Variants in FAT3 observed in about 807,000 individuals in gnomAD.
FAT3 encodes FAT atypical cadherin 3.
Under a neutral mutation model 310.2 loss-of-function variants are expected in FAT3, and 95 were observed. The ratio of observed to expected loss-of-function variants is 0.31; its 90% CI spans 0.26 to 0.36. The LOEUF is 0.36. Among genes scored for constraint, FAT3 ranks in the 10% least tolerant of loss-of-function variants. The pLI is 1.00. For synonymous variants in FAT3, 2,314 were observed against 2,192.9 expected, an observed-to-expected ratio of 1.06 and a Z score of -1.54; for missense variants, 5,408 against 5,715.6, an observed-to-expected ratio of 0.95 and a Z score of 1.74.
chr11:92,756,314 A>G (rs972580763), intron 4 of FAT3, among the ~76,000 whole-genome samples: 9 of 152,234 alleles, frequency 5.9e-5, no homozygotes, highest in Admixed American at 2.0e-4. Context: ...TAGAAGAGTT[A>G]TAACAATATA....
At chr11:92,536,082 T>G (rs1483562899) in intron 3 of FAT3, among the ~76,000 whole-genome samples, 1 of 152,204 alleles carries the variant, frequency 6.6e-6, no homozygotes, top group East Asian at 1.9e-4. Flanking sequence ...TATTCTGATC[T>G]TGTCCTTTTT....
chr11:92,360,340 A>G (rs549776521), intron 2 of FAT3, among the ~76,000 whole-genome samples: 1 of 152,384 alleles, frequency 6.6e-6, no homozygotes, highest in African/African-American at 2.4e-5. Context: ...ATGCACAAGC[A>G]TTTAATATAT....
chr11:92,469,219 C>T (rs1433042666), intron 2 of FAT3, among the ~76,000 whole-genome samples: 1 of 152,072 alleles, frequency 6.6e-6, no homozygotes, highest in Non-Finnish European at 1.5e-5. Context: ...TAAATTAGCC[C>T]TGTTTAATGT....
At chr11:92,444,453 G>A (rs949620223) in intron 2 of FAT3, among the ~76,000 whole-genome samples, 3 of 152,094 alleles carry the variant, frequency 2.0e-5, no homozygotes, top group Admixed American at 1.3e-4. Flanking sequence ...TACATTATGA[G>A]CCTATTGATA....
intron 3 of FAT3, among the ~76,000 whole-genome samples, chr11:92,554,177 A>G (rs1335319770): frequency 6.6e-6 from 1 of 151,750 alleles, no homozygotes; most frequent in Non-Finnish European, 1.5e-5. Flanking sequence ...AAATGAATGG[A>G]GGAGGCCGGG....
intron 1 of FAT3, among the ~76,000 whole-genome samples, chr11:92,290,782 G>A (rs1841034): frequency 0.7 from 106,033 of 151,404 alleles, 37,327 homozygotes; most frequent in African/African-American, 0.77. Context: ...AATAATAAAT[G>A]AATAAAAATA....
intron 3 of FAT3, among the ~76,000 whole-genome samples, chr11:92,615,256 A>T (rs1428644467): frequency 1.3e-5 from 2 of 151,872 alleles, no homozygotes; most frequent in Non-Finnish European, 2.9e-5. Context: ...TATTTACTTA[A>T]TTTTTTTGAG....
chr11:92,373,238 C>G (rs1033077273), intron 2 of FAT3, among the ~76,000 whole-genome samples: 2 of 152,166 alleles, frequency 1.3e-5, no homozygotes, highest in Admixed American at 1.3e-4. Context: ...GCTAGATACT[C>G]TGTAAGTTGT....
In FAT3 at chr11:92,612,819, A is replaced by G. The variant is rs1288530575; in HGVS notation, c.3608-84565A>G. 5.3e-5 allele frequency among the ~76,000 whole-genome samples: 8 copies of G among 152,188 alleles called. No individual in the cohort carries two copies. In the East Asian group the frequency reaches 1.5e-3, roughly 29 times the overall value. On this transcript the variant is annotated intron_variant, in intron 3 of 27. Coordinates refer to ENST00000525166, the MANE Select transcript of FAT3 (RefSeq NM_001367949.2). Reference sequence around the variant, plus strand: ...TGGCATTCAGGACAGGTCTGGAAGGATGGATGCAGTTTTGACATGTGGAGG... The same window carrying G: ...TGGCATTCAGGACAGGTCTGGAAGGGTGGATGCAGTTTTGACATGTGGAGG...
intron 12 of FAT3, among the ~76,000 whole-genome samples, chr11:92,807,031 T>A (rs554890262): frequency 2.0e-5 from 3 of 152,164 alleles, no homozygotes; most frequent in Admixed American, 6.5e-5. Context: ...GAAGAAGAGA[T>A]GAAAAATCTG....
At chr11:92,454,178 C>T (rs1439466932) in intron 2 of FAT3, among the ~76,000 whole-genome samples, 1 of 152,088 alleles carries the variant, frequency 6.6e-6, no homozygotes, top group African/African-American at 2.4e-5. Flanking sequence ...AAGCACACCT[C>T]AATTTAGACT....
At chr11:92,301,595 AG>A (rs1483762487) in intron 1 of FAT3, among the ~76,000 whole-genome samples, 1 of 152,142 alleles carries the variant, frequency 6.6e-6, no homozygotes, top group African/African-American at 2.4e-5. Flanking sequence ...CTAGATGACA[AG>A]TGCAGCACCA....
chr11:92,653,313 G>A lies in FAT3; in HGVS notation c.3608-44071G>A, dbSNP rs540484714. Among the ~76,000 whole-genome samples the A allele has an allele frequency of 2.6e-5, 4 of 152,192 alleles. No individual in the cohort carries two copies. The East Asian group carries it at 7.8e-4, about 30-fold the overall frequency. On this transcript the variant is annotated intron_variant, in intron 3 of 27. Transcript: ENST00000525166. ...TATTTGAATGCCCGAGCCAGAATTC[G>A]TGGAACCTACTTCTGTGTCCTGGTG...
Position 92,645,925 on chromosome 11 carries a change from A to C in FAT3, c.3608-51459A>C, listed in dbSNP as rs566905389. 7.2e-5 allele frequency among the ~76,000 whole-genome samples: 11 copies of C among 152,346 alleles called. No individual in the cohort carries two copies. The South Asian group carries it at 1.9e-3, about 26-fold the overall frequency. ...TGTGTTGAAGTGAATGGGTAAATGA[A>C]GTAAAATACATGATTTAGATTTACA... On this transcript the variant is annotated intron_variant, in intron 3 of 27. Coordinates refer to ENST00000525166, the MANE Select transcript of FAT3 (RefSeq NM_001367949.2).
intron 3 of FAT3, among the ~76,000 whole-genome samples, chr11:92,607,556 T>G (rs1166307895): frequency 2.6e-5 from 4 of 152,200 alleles, no homozygotes; most frequent in African/African-American, 9.6e-5. Flanking sequence ...CTTAAATATA[T>G]GAAGGGATAA....
At chr11:92,309,129 A>G (rs1947220966) in intron 1 of FAT3, among the ~76,000 whole-genome samples, 4 of 151,988 alleles carry the variant, frequency 2.6e-5, no homozygotes, top group South Asian at 4.2e-4. Flanking sequence ...GCTTATTTCA[A>G]TTAGCTTGTT....
intron 2 of FAT3, among the ~76,000 whole-genome samples, chr11:92,428,006 C>CT (rs901160024): frequency 3.5e-4 from 52 of 149,490 alleles, no homozygotes; most frequent in African/African-American, 1.1e-3. Flanking sequence ...TGGTCCTAGT[C>CT]TTTTTTTTTG....
intron 1 of FAT3, among the ~76,000 whole-genome samples, chr11:92,340,454 T>A (rs772685150): frequency 6.6e-6 from 1 of 152,184 alleles, no homozygotes; most frequent in Non-Finnish European, 1.5e-5. Flanking sequence ...GCCTTAACTG[T>A]ATTTGAGCTC....
intron 4 of FAT3, among the ~76,000 whole-genome samples, chr11:92,744,669 T>G (rs1219410862): frequency 4.6e-5 from 7 of 152,212 alleles, no homozygotes; most frequent in African/African-American, 1.7e-4. Context: ...CAGTAGAGAC[T>G]GGTGGGCCAG....
Sources: gnomAD v4.1 joint callset for allele counts (sites outside exome capture counted in the v4.1 genomes callset) on GRCh38, gnomAD v4.1.1 for gene constraint, MANE v1.5 for transcripts, NCBI Gene and HGNC (gene_info 2026-07-23, HGNC 2026-07-21) for gene names.